The following NEK10 variants were observed in gnomAD, a reference collection of about 807,000 sequenced individuals.
The protein encoded by NEK10 is NIMA related kinase 10.
A neutral mutation model predicts 159.8 loss-of-function variants in NEK10; 122 were observed. The observed-to-expected ratio is 0.76, with a 90% CI of 0.66 to 0.89. The LOEUF (loss-of-function observed/expected upper bound fraction) is 0.89. Ranked by LOEUF, NEK10 falls within the 40% of genes least tolerant of loss-of-function variation. The pLI, the probability that NEK10 is intolerant of heterozygous loss-of-function variation, is 0.00. For synonymous variants in NEK10, 466 were observed against 457.1 expected (o/e 1.02, Z -0.25); for missense variants, 1,342 against 1,323.1 (o/e 1.01, Z -0.22).
intron 32 of NEK10, among the ~76,000 whole-genome samples, chr3:27,129,530 TA>T (rs1299456379): frequency 6.6e-6 from 1 of 151,984 alleles, no homozygotes; most frequent in African/African-American, 2.4e-5. Flanking sequence ...AGAAAAGGGG[TA>T]AAAATGGAGG....
intron 31 of NEK10, among the ~76,000 whole-genome samples, chr3:27,133,203 T>A (rs79067379): frequency 0.018 from 2,713 of 152,238 alleles, 86 homozygotes; most frequent in African/African-American, 0.062. Flanking sequence ...GAGTAAGAAA[T>A]AAACCTCTAT....
At chr3:27,349,179 TCA>T in intron 3 of NEK10, among the ~76,000 whole-genome samples, 1 of 152,010 alleles carries the variant, frequency 6.6e-6, no homozygotes, top group Non-Finnish European at 1.5e-5. Flanking sequence ...AGTCCAAAAT[TCA>T]CAGATAGGCT....
intron 33 of NEK10, among the ~76,000 whole-genome samples, chr3:27,118,975 A>T (rs1469736067): frequency 6.6e-6 from 1 of 152,330 alleles, no homozygotes; most frequent in African/African-American, 2.4e-5. Flanking sequence ...CTTCACTTCT[A>T]TCCACTCCTC....
Position 27,316,681 on chromosome 3 carries a change from A to C in NEK10, c.448-2343T>G, listed in dbSNP as rs149146746. On this transcript the variant is annotated intron_variant, in intron 6 of 35. Coordinates refer to ENST00000691995, the MANE Select transcript of NEK10 (RefSeq NM_001394966.1). The stretch of plus-strand genomic sequence containing the variant: ...GCCATGACAATAAATTTATTCAATA[A>C]TTTTGATGATATGGGACTAACTCAA... Among the ~76,000 whole-genome samples the C allele has an allele frequency of 5.7e-3, 875 of 152,292 alleles. 8 individuals carry two copies. The highest frequency in any genetic ancestry group is 0.02 in the African/African-American group (836 of 41,550).
intron 5 of NEK10, among the ~76,000 whole-genome samples, chr3:27,340,213 T>C (rs2047105417): frequency 6.6e-6 from 1 of 152,188 alleles, no homozygotes; most frequent in African/African-American, 2.4e-5. Context: ...TGCAGAGACA[T>C]GGATGAAGCT....
intron 22 of NEK10, among the ~76,000 whole-genome samples, chr3:27,274,042 T>A (rs2041580881): frequency 6.6e-6 from 1 of 152,140 alleles, no homozygotes; most frequent in African/African-American, 2.4e-5. Flanking sequence ...AAATTATTTC[T>A]AATTCAACAA....
intron 28 of NEK10, among the ~76,000 whole-genome samples, chr3:27,172,812 T>C (rs1490693611): frequency 6.6e-6 from 1 of 152,104 alleles, no homozygotes; most frequent in Non-Finnish European, 1.5e-5. Flanking sequence ...ATAAAGAATA[T>C]ATATATTCCA....
chr3:27,155,821 C>G (rs966642003), intron 30 of NEK10, among the ~76,000 whole-genome samples: 7 of 152,100 alleles, frequency 4.6e-5, no homozygotes, highest in African/African-American at 1.4e-4. Flanking sequence ...AAAAAGGAGT[C>G]TGCATAGCCA....
intron 23 of NEK10, among the ~76,000 whole-genome samples, chr3:27,231,225 C>T (rs1953227091): frequency 2.0e-5 from 3 of 151,974 alleles, no homozygotes; most frequent in South Asian, 2.1e-4. Context: ...CCAAATCAAA[C>T]AAATACTTGA....
chr3:27,260,071 T>C lies in NEK10; in HGVS notation c.2015-3700A>G, dbSNP rs535264634. On this transcript the variant is annotated intron_variant, in intron 22 of 35. Coordinates refer to ENST00000691995, the MANE Select transcript of NEK10 (RefSeq NM_001394966.1). ...TTGTGATTTTTGTACATTAATTTTG[T>C]ATCCTGAGACTTTGCTGAAGTTGTC... 7.2e-5 allele frequency among the ~76,000 whole-genome samples: 11 copies of C among 152,354 alleles called. No homozygotes were observed. In the South Asian group the frequency reaches 2.3e-3, roughly 32 times the overall value.
Position 27,115,949 on chromosome 3 carries a change from G to A in NEK10, c.3290C>T (p.Thr1097Ile). Residue 1097 changes from threonine to isoleucine, a missense_variant, in exon 35 of 36, where the codon ACA becomes ATA. Thr to Ile is a moderately conservative substitution (Grantham distance 89, BLOSUM62 -1). Coordinates refer to ENST00000691995, the MANE Select transcript of NEK10 (RefSeq NM_001394966.1). ...AAACTCTAGCTCTTACCTGTTAGAT[G>A]TAAAATTGTAATAGCCACTTTCCTC... ...VLEESGYYNF[T>I]SNRYHSYPWG... 4 of 1,611,446 alleles carry A rather than the reference G, an allele frequency of 2.5e-6. No individual in the cohort carries two copies. The highest frequency in any genetic ancestry group is 3.4e-6 in the Non-Finnish European group (4 of 1,178,064).
intron 1 of NEK10, among the ~76,000 whole-genome samples, chr3:27,367,754 C>A (rs2049202317): frequency 6.6e-6 from 1 of 152,126 alleles, no homozygotes; most frequent in Non-Finnish European, 1.5e-5. Flanking sequence ...AAACAGTAAT[C>A]AAGCAACATA....
intron 35 of NEK10, among the ~76,000 whole-genome samples, chr3:27,115,669 A>G (rs1522140): frequency 0.036 from 5,451 of 152,278 alleles, 160 homozygotes; most frequent in Middle Eastern, 0.065. Flanking sequence ...TTTTCCATTT[A>G]CTTATATTTA....
intron 26 of NEK10, among the ~76,000 whole-genome samples, chr3:27,177,175 A>G (rs531139081): frequency 1.5e-3 from 223 of 152,322 alleles, no homozygotes; most frequent in African/African-American, 4.9e-3. Flanking sequence ...GGAATTTACA[A>G]TCTGAGAGAG....
At chr3:27,184,791 C>T (rs1948461087) in intron 26 of NEK10, among the ~76,000 whole-genome samples, 1 of 152,060 alleles carries the variant, frequency 6.6e-6, no homozygotes, top group Non-Finnish European at 1.5e-5. Flanking sequence ...AAGATGTTCA[C>T]AAAAATATTG....
At chr3:27,196,577 T>C (rs1429418686) in intron 25 of NEK10, among the ~76,000 whole-genome samples, 36 of 152,184 alleles carry the variant, frequency 2.4e-4, no homozygotes, top group Admixed American at 2.1e-3. Flanking sequence ...TACACTCCAA[T>C]GTTGCTATCT....
intron 6 of NEK10, among the ~76,000 whole-genome samples, chr3:27,317,597 T>C (rs1423600466): frequency 6.6e-6 from 1 of 152,192 alleles, no homozygotes; most frequent in Non-Finnish European, 1.5e-5. Context: ...TTTTTAAGAA[T>C]GGAGCACATT....
chr3:27,185,677 A>T (rs2148943149), intron 26 of NEK10, among the ~76,000 whole-genome samples: 1 of 152,250 alleles, frequency 6.6e-6, no homozygotes, highest in South Asian at 2.1e-4. Context: ...TCTGTTTCTC[A>T]CATTTTGTGC....
Position 27,309,003 on chromosome 3 carries a change from T to C in NEK10, c.639A>G (p.Thr213=), listed in dbSNP as rs368506149. ...EWVTTSGAHK[T]LVNLLGARDT... is the part of the protein sequence containing the mutation. ...CTCGGGCACCAAGTAAATTTACTAA[T>C]GTCTGAAAAATGAAGTAAAATAAAG... Residue 213 remains threonine, a splice_region_variant and synonymous_variant, in exon 10 of 36, where the codon ACA becomes ACG. Transcript: ENST00000691995. The C allele has an allele frequency of 2.1e-5, 32 of 1,552,852 alleles. No individual in the cohort carries two copies. The highest frequency in any genetic ancestry group is 1.6e-5 in the Non-Finnish European group (18 of 1,127,994).
Sources: allele counts gnomAD v4.1 joint callset (sites outside exome capture counted in the v4.1 genomes callset), GRCh38; gene constraint gnomAD v4.1.1; transcripts MANE v1.5; gene names NCBI Gene and HGNC (gene_info 2026-07-23, HGNC 2026-07-21).